The following REDIC1 variants were observed in gnomAD, a reference collection of about 807,000 sequenced individuals.
The protein encoded by REDIC1 is HEI10 Interacting Protein 1.
chr12:39,825,939 C>T, the REDIC1 span, among the ~76,000 whole-genome samples: 1 of 151,938 alleles, frequency 6.6e-6, no homozygotes, highest in Non-Finnish European at 1.5e-5. Context: ...TTTGAAGTTG[C>T]TTTTTGGGTG....
At chr12:39,663,725 A>G in the REDIC1 span, among the ~76,000 whole-genome samples, 1 of 151,520 alleles carries the variant, frequency 6.6e-6, no homozygotes. Flanking sequence ...TTTCTTCCTT[A>G]TTTGTATCTT....
the REDIC1 span, among the ~76,000 whole-genome samples, chr12:39,630,323 G>T: frequency 1.3e-5 from 2 of 152,100 alleles, no homozygotes; most frequent in African/African-American, 4.8e-5. Context: ...TGCAGTATAA[G>T]ATTTTTTTAA....
the REDIC1 span, among the ~76,000 whole-genome samples, chr12:39,708,668 T>C: frequency 1.3e-5 from 2 of 151,780 alleles, no homozygotes; most frequent in African/African-American, 2.4e-5. Flanking sequence ...ATATTACCTT[T>C]TTTATATAAT....
chr12:39,781,372 G>A, the REDIC1 span, among the ~76,000 whole-genome samples: 1 of 91,128 alleles, frequency 1.1e-5, no homozygotes, highest in African/African-American at 4.6e-5. Context: ...CACTGAGGGA[G>A]CCCCGCACAG....
At chr12:39,832,967 T>A in the REDIC1 span, among the ~76,000 whole-genome samples, 1 of 152,102 alleles carries the variant, frequency 6.6e-6, no homozygotes, top group South Asian at 2.1e-4. Flanking sequence ...TTCTCAAAAA[T>A]CCTGATCTAG....
chr12:39,831,065 G>A, the REDIC1 span, among the ~76,000 whole-genome samples: 2 of 152,170 alleles, frequency 1.3e-5, no homozygotes, highest in Admixed American at 6.6e-5. Flanking sequence ...ACAATCATTT[G>A]CCAGAAAATT....
the REDIC1 span, among the ~76,000 whole-genome samples, chr12:39,714,206 CATGCATATACGTATATGCATGCATAT>C: frequency 7.6e-5 from 1 of 13,162 alleles, no homozygotes; most frequent in African/African-American, 1.3e-4. Context: ...TATGTATATA[CATGCATATACGTATATGCATGCATAT>C]ATGTATATAT....
the REDIC1 span, among the ~76,000 whole-genome samples, chr12:39,902,013 G>A: frequency 1.3e-5 from 2 of 151,740 alleles, no homozygotes; most frequent in Admixed American, 6.6e-5. Context: ...TATGCAGCCA[G>A]AAAAAAGGAT....
the REDIC1 span, among the ~76,000 whole-genome samples, chr12:39,905,162 A>G: frequency 6.6e-6 from 1 of 152,184 alleles, no homozygotes; most frequent in Non-Finnish European, 1.5e-5. Context: ...ACTGTGAACA[A>G]CTAAGAAAAA....
chr12:39,665,662 G>A, the REDIC1 span, among the ~76,000 whole-genome samples: 3 of 150,320 alleles, frequency 2.0e-5, no homozygotes, highest in East Asian at 5.8e-4. Flanking sequence ...ATTACCTTGG[G>A]CAGTATGGCC....
chr12:39,676,408 C>T, the REDIC1 span, among the ~76,000 whole-genome samples: 1 of 151,900 alleles, frequency 6.6e-6, no homozygotes, highest in Admixed American at 6.6e-5. Flanking sequence ...CAAAGAAAAA[C>T]TAATTAATAA....
chr12:39,711,478 T>G, the REDIC1 span, among the ~76,000 whole-genome samples: 1 of 144,154 alleles, frequency 6.9e-6, no homozygotes, highest in Non-Finnish European at 1.5e-5. Flanking sequence ...CATATATGTA[T>G]GTGTATATAT....
At chr12:39,716,672 C>A in the REDIC1 span, 1 of 983,168 alleles carries the variant, frequency 1.0e-6, no homozygotes, top group Non-Finnish European at 1.5e-6. Flanking sequence ...ATTTGTTTTA[C>A]CAGCAGATAT....
At chr12:39,682,526 T>A in the REDIC1 span, 1 of 972,020 alleles carries the variant, frequency 1.0e-6, no homozygotes, top group Non-Finnish European at 1.5e-6. Context: ...CAACTCAATA[T>A]GTCCTCTAAG....
chr12:39,639,593 A>G, the REDIC1 span, among the ~76,000 whole-genome samples: 1 of 151,948 alleles, frequency 6.6e-6, no homozygotes, highest in Admixed American at 6.6e-5. Context: ...CCTGGATTTC[A>G]ATTTTGCCTC....
the REDIC1 span, among the ~76,000 whole-genome samples, chr12:39,700,686 G>T: frequency 6.6e-6 from 1 of 152,008 alleles, no homozygotes; most frequent in Non-Finnish European, 1.5e-5. Context: ...CAGCCAGAGA[G>T]AAAGGTCGGG....
chr12:39,828,463 A>T, the REDIC1 span, among the ~76,000 whole-genome samples: 1 of 152,136 alleles, frequency 6.6e-6, no homozygotes, highest in Admixed American at 6.6e-5. Flanking sequence ...AAATAAAGGA[A>T]TAAACATTTC....
the REDIC1 span, among the ~76,000 whole-genome samples, chr12:39,859,332 TGAAA>T: frequency 5.5e-5 from 4 of 72,334 alleles, no homozygotes; most frequent in African/African-American, 6.4e-5. Flanking sequence ...TTTTTTTTTC[TGAAA>T]AAAAAAAAAA....
the REDIC1 span, among the ~76,000 whole-genome samples, chr12:39,696,412 G>A: frequency 1.3e-4 from 20 of 149,344 alleles, no homozygotes; most frequent in Middle Eastern, 3.4e-3. Flanking sequence ...GCGTAGTGGC[G>A]GGCGCCTGTA....
Sources: allele counts gnomAD v4.1 joint callset (sites outside exome capture counted in the v4.1 genomes callset), GRCh38; gene constraint gnomAD v4.1.1; transcripts MANE v1.5; gene names NCBI Gene and HGNC (gene_info 2026-07-23, HGNC 2026-07-21).